Variants in STS observed in about 807,000 individuals in gnomAD.
STS encodes the protein steroid sulfatase, also known as steryl-sulfatase.
A neutral mutation model predicts 26.8 loss-of-function variants in STS; 7 were observed. The observed-to-expected ratio is 0.26, with a 90% CI of 0.15 to 0.49. The LOEUF (loss-of-function observed/expected upper bound fraction) is 0.49, where lower values mean the gene tolerates loss of function less well. STS is among the 20% of genes least tolerant of loss of function. STS has a pLI of 0.98. For missense variants in STS, 434 were observed against 465.6 expected, an observed-to-expected ratio of 0.93 and a Z score of 0.63; for synonymous variants, 199 against 189.4, an observed-to-expected ratio of 1.05 and a Z score of -0.42.
chrX:7,148,220 C>T, intron 1 of STS, 137 bp downstream of exon 1: 1 of 413,723 alleles, frequency 2.4e-6, no homozygotes, highest in Non-Finnish European at 3.8e-6. Flanking sequence ...GGTCGCTCTG[C>T]GCACGCGCCT....
At chrX:7,342,059 C>T (rs5979368) in intron 10 of STS, among the ~76,000 whole-genome samples, 4 of 109,972 alleles carry the variant, frequency 3.6e-5, no homozygotes, top group African/African-American at 1.3e-4. Context: ...TGATCCACCC[C>T]GCCTCGGCCT....
At chrX:7,203,570 T>C (rs1295788059) in intron 2 of STS, among the ~76,000 whole-genome samples, 1 of 111,755 alleles carries the variant, frequency 8.9e-6, no homozygotes, top group East Asian at 2.8e-4. Context: ...TATGATTAAA[T>C]TGTACTTTGT....
At chrX:7,324,342 C>T (rs1336421753) in intron 8 of STS, among the ~76,000 whole-genome samples, 1 of 110,614 alleles carries the variant, frequency 9.0e-6, no homozygotes, top group Non-Finnish European at 1.9e-5. Context: ...CTCCACGTAG[C>T]AGGCTTCAGA....
At chrX:7,232,532 A>G (rs748892811) in intron 2 of STS, among the ~76,000 whole-genome samples, 1 of 111,494 alleles carries the variant, frequency 9.0e-6, no homozygotes, top group Non-Finnish European at 1.9e-5. Context: ...GTTTCCATTA[A>G]AATTTATTTT....
intron 2 of STS, among the ~76,000 whole-genome samples, chrX:7,220,750 G>A (rs192043218): frequency 5.5e-5 from 6 of 108,738 alleles, no homozygotes; most frequent in Non-Finnish European, 9.6e-5. Context: ...GGGGTTTCAC[G>A]TGTTAGTCAG....
At position 7,350,164 on chromosome X, in the gene STS, A is replaced by G; in HGVS notation, c.1640A>G (p.Asn547Ser). 8.3e-7 allele frequency: 1 copy of G among 1,211,871 alleles called. No individual in the cohort carries two copies. Among genetic ancestry groups the G allele is most frequent in the Non-Finnish European group, 1.1e-6 (1 of 895,333 alleles). The change falls in exon 11 of 11, where the codon AAC becomes AGC. Residue 547 changes from asparagine (N) to serine (S), a missense_variant. Transcript: ENST00000674429. ...PEVPDQFSWN[N>S]FLWKPWLQLC... The stretch of plus-strand genomic sequence containing the variant: ...GTGCCCGATCAGTTTTCATGGAACA[A>G]CTTTCTTTGGAAGCCCTGGCTTCAG...
chrX:7,242,354 C>T (rs1445951630), intron 2 of STS, among the ~76,000 whole-genome samples: 1 of 109,499 alleles, frequency 9.1e-6, no homozygotes, highest in Non-Finnish European at 1.9e-5. Context: ...CTATAATGAA[C>T]AACTATGGCC....
intron 1 of STS, among the ~76,000 whole-genome samples, chrX:7,155,057 C>T (rs1933105624): frequency 8.9e-6 from 1 of 111,971 alleles, no homozygotes; most frequent in Admixed American, 9.5e-5. Flanking sequence ...TTCAGCTTCC[C>T]CATGATCACA....
At position 7,350,639 on chromosome X, in the gene STS, A is replaced by C; in HGVS notation, c.*378A>C. Reference sequence around the variant, plus strand: ...TACCTTAACTCACCCCTCAGCAAATACCTATGTCAACAGTATAAGTTACCA... The same window carrying C: ...TACCTTAACTCACCCCTCAGCAAATCCCTATGTCAACAGTATAAGTTACCA... On this transcript the variant is annotated 3_prime_UTR_variant, in exon 11 of 11. Transcript: ENST00000674429. The C allele has an allele frequency of 5.4e-6, 1 of 186,307 alleles. No individual in the cohort carries two copies. Among genetic ancestry groups the C allele is most frequent in the Non-Finnish European group, 1.0e-5 (1 of 100,316 alleles). The allele number at this position is 186,307 out of a possible 1,213,427, so 15.4% of individuals were successfully genotyped here. A position where few individuals can be genotyped will look rare whatever the true frequency, so the allele number is the denominator to read the frequency against.
chrX:7,149,633 A>G (rs905444385), intron 1 of STS, among the ~76,000 whole-genome samples: 1 of 111,951 alleles, frequency 8.9e-6, no homozygotes. Context: ...TGCCATAGTA[A>G]TATACCACAG....
chrX:7,164,967 A>G (rs1408274070), intron 1 of STS, among the ~76,000 whole-genome samples: 1 of 110,555 alleles, frequency 9.0e-6, no homozygotes, highest in African/African-American at 3.3e-5. Flanking sequence ...TTGAGGCTGC[A>G]GTGAGCACTG....
intron 8 of STS, among the ~76,000 whole-genome samples, chrX:7,318,717 A>G (rs141661009): frequency 4.9e-4 from 55 of 111,442 alleles, no homozygotes; most frequent in East Asian, 3.7e-3. Context: ...CACTAGCTGC[A>G]GATGAAACCA....
At chrX:7,206,348 T>C (rs993830922) in intron 2 of STS, among the ~76,000 whole-genome samples, 8 of 112,430 alleles carry the variant, frequency 7.1e-5, no homozygotes, top group African/African-American at 2.6e-4. Context: ...CTCACCTTGA[T>C]CTTCGCAGCA....
At chrX:7,284,352 C>T (rs1256425838) in intron 7 of STS, among the ~76,000 whole-genome samples, 1 of 111,707 alleles carries the variant, frequency 9.0e-6, no homozygotes, top group African/African-American at 3.3e-5. Context: ...CCAGCACAGA[C>T]CCATCTGTTA....
chrX:7,175,073 C>T (rs774268840), intron 1 of STS, among the ~76,000 whole-genome samples: 1 of 107,604 alleles, frequency 9.3e-6, no homozygotes, highest in African/African-American at 3.4e-5. Flanking sequence ...CCCTTTGTTT[C>T]AGTATCCATG....
intron 2 of STS, among the ~76,000 whole-genome samples, chrX:7,244,895 T>C (rs1922792244): frequency 8.9e-6 from 1 of 111,886 alleles, no homozygotes; most frequent in South Asian, 3.7e-4. Context: ...ACAGGAGAAA[T>C]TGGTTAAGAA....
In STS at chrX:7,352,122, A is replaced by G. The variant is rs958809538; in HGVS notation, c.*1861A>G. 1 of 111,096 alleles carries G rather than the reference A, an allele frequency of 9.0e-6. No individual in the cohort carries two copies. The highest frequency in any genetic ancestry group is 1.9e-5 in the Non-Finnish European group (1 of 53,049). 9.2% of individuals were successfully genotyped at this position (111,096 alleles called of 1,213,427 possible). A position where few individuals can be genotyped will look rare whatever the true frequency, so the allele number is the denominator to read the frequency against. On this transcript the variant is annotated 3_prime_UTR_variant, in exon 11 of 11. Coordinates refer to ENST00000674429, the MANE Select transcript of STS (RefSeq NM_001320752.2). ...TAGAGAGGGTACTAGCTTACTGATG[A>G]TGTGTTAGGATTGCTACTGATGCTG... is the stretch of plus-strand genomic sequence containing the variant.
chrX:7,184,406 G>A (rs1933737264), intron 1 of STS, among the ~76,000 whole-genome samples: 1 of 112,359 alleles, frequency 8.9e-6, no homozygotes, highest in African/African-American at 3.2e-5. Context: ...AGAAATAATT[G>A]CCTGGAATTT....
Position 7,279,298 on chromosome X carries a change from T to TAC in STS, c.943+3212_943+3213insCA, listed in dbSNP as rs1924700436. On this transcript the variant is annotated intron_variant, in intron 7 of 10. Coordinates refer to ENST00000674429, the MANE Select transcript of STS (RefSeq NM_001320752.2). ...CAGGAAGAAAAAAAAAAAAAATATATATATATATATATATGTGTGTGTGTG... is the reference window on the plus strand; with the variant it reads ...CAGGAAGAAAAAAAAAAAAAATATATACATATATATATATATGTGTGTGTGTG... Among the ~76,000 whole-genome samples, 8 of 72,762 alleles carry TAC rather than the reference T, an allele frequency of 1.1e-4. No individual in the cohort carries two copies. In the South Asian group the frequency reaches 5.3e-3, roughly 48 times the overall value. 63.2% of individuals were successfully genotyped at this position (72,762 alleles called of 115,157 possible).
Sources: gnomAD v4.1 joint callset for allele counts (sites outside exome capture counted in the v4.1 genomes callset) on GRCh38, gnomAD v4.1.1 for gene constraint, MANE v1.5 for transcripts, NCBI Gene and HGNC (gene_info 2026-07-23, HGNC 2026-07-21) for gene names.